Variants in KCNIP1 observed in about 807,000 individuals in gnomAD.
KCNIP1 encodes the protein A-type potassium channel modulatory protein KCNIP1.
A neutral mutation model predicts 33.0 loss-of-function variants in KCNIP1; 18 were observed. The ratio of observed to expected loss-of-function variants is 0.55; its 90% CI spans 0.38 to 0.81. The LOEUF (loss-of-function observed/expected upper bound fraction) is 0.81, where lower values mean the gene tolerates loss of function less well. Among genes scored for constraint, KCNIP1 ranks in the 30% least tolerant of loss-of-function variants. The pLI is 0.00. For synonymous variants in KCNIP1, 93 were observed against 98.3 expected, an observed-to-expected ratio of 0.95 and a Z score of 0.32; for missense variants, 238 against 271.6, an observed-to-expected ratio of 0.88 and a Z score of 0.87.
chr5:170,584,924 G>C (rs28574651), intron 1 of KCNIP1, among the ~76,000 whole-genome samples: 25,520 of 152,008 alleles, frequency 0.17, 2,315 homozygotes, highest in African/African-American at 0.25. Context: ...CTTCATGACA[G>C]TCATCAGTGT....
intron 1 of KCNIP1, among the ~76,000 whole-genome samples, chr5:170,405,941 A>T (rs1017392352): frequency 2.0e-5 from 3 of 152,148 alleles, no homozygotes; most frequent in African/African-American, 7.2e-5. Flanking sequence ...GATTTGTCCC[A>T]CATCCAGATA....
chr5:170,394,241 G>A (rs542389376), intron 1 of KCNIP1, among the ~76,000 whole-genome samples: 1 of 152,144 alleles, frequency 6.6e-6, no homozygotes, highest in Non-Finnish European at 1.5e-5. Context: ...TGGGCCAGGC[G>A]GAAGCTCTGC....
intron 1 of KCNIP1, among the ~76,000 whole-genome samples, chr5:170,638,615 G>T (rs1389610522): frequency 6.6e-6 from 1 of 152,154 alleles, no homozygotes; most frequent in Non-Finnish European, 1.5e-5. Flanking sequence ...TGATAGTGAG[G>T]TTGTCCTCAG....
At chr5:170,407,008 C>T (rs1385209721) in intron 1 of KCNIP1, among the ~76,000 whole-genome samples, 1 of 152,238 alleles carries the variant, frequency 6.6e-6, no homozygotes, top group Non-Finnish European at 1.5e-5. Context: ...TTCTCTTGCT[C>T]GCAAGATACT....
chr5:170,720,257 G>A (rs1443589240), intron 2 of KCNIP1, 64 bp from the exon 3 acceptor site: 2 of 1,182,174 alleles, frequency 1.7e-6, no homozygotes, highest in Non-Finnish European at 2.5e-6. Flanking sequence ...ACCAAGGCTG[G>A]GCCCAGTCTT....
chr5:170,609,406 G>T (rs1759056027), intron 1 of KCNIP1, among the ~76,000 whole-genome samples: 1 of 152,158 alleles, frequency 6.6e-6, no homozygotes, highest in Non-Finnish European at 1.5e-5. Context: ...TACAGATGAG[G>T]AAACTCATGC....
chr5:170,464,469 T>C (rs1756567433), intron 1 of KCNIP1, among the ~76,000 whole-genome samples: 3 of 152,212 alleles, frequency 2.0e-5, no homozygotes, highest in Non-Finnish European at 4.4e-5. Flanking sequence ...AAAGTCCATC[T>C]TGCACTTCCT....
At chr5:170,415,822 A>G (rs1423076233) in intron 1 of KCNIP1, among the ~76,000 whole-genome samples, 1 of 152,154 alleles carries the variant, frequency 6.6e-6, no homozygotes, top group Non-Finnish European at 1.5e-5. Flanking sequence ...AAAGGTGAGG[A>G]CGAGGTGACT....
intron 1 of KCNIP1, among the ~76,000 whole-genome samples, chr5:170,416,812 T>A (rs950871060): frequency 1.3e-5 from 2 of 152,220 alleles, no homozygotes; most frequent in Non-Finnish European, 2.9e-5. Context: ...TTTATTATCA[T>A]CCCCATTTTA....
chr5:170,647,437 T>C (rs1430963955), intron 1 of KCNIP1, among the ~76,000 whole-genome samples: 4 of 151,944 alleles, frequency 2.6e-5, no homozygotes, highest in Admixed American at 2.0e-4. Context: ...AGTAGATCAA[T>C]GGAACAGAAC....
chr5:170,591,490 G>T (rs528940922), intron 1 of KCNIP1, among the ~76,000 whole-genome samples: 2 of 152,258 alleles, frequency 1.3e-5, no homozygotes, highest in South Asian at 2.1e-4. Flanking sequence ...TTTGGAGTGC[G>T]CAGTTCAGTA....
In KCNIP1 at chr5:170,384,626, G is replaced by A. The variant is rs947668216; in HGVS notation, c.88+30662G>A. ...AGTCAGAAGGGGGCTGTCAGCTGCT[G>A]GAACGTGCCCAGAGCACAGGTCTGA... On this transcript the variant is annotated intron_variant, in intron 1 of 7. Transcript: ENST00000377360. Among the ~76,000 whole-genome samples the A allele has an allele frequency of 3.3e-5, 5 of 152,208 alleles. No homozygotes were observed. In the East Asian group the frequency reaches 7.7e-4, roughly 23 times the overall value.
In KCNIP1 at chr5:170,504,148, A is replaced by G; in HGVS notation, c.-425A>G. On this transcript the variant is annotated 5_prime_UTR_variant, in exon 1 of 8. Coordinates refer to ENST00000328939, the MANE Select transcript of KCNIP1 (RefSeq NM_014592.4). The surrounding 1 kb of genome is among the most constrained non-coding windows in gnomAD (Gnocchi z 6.0). The stretch of plus-strand genomic sequence containing the variant: ...GCCCTCCGAGACCCAGCCCGAGCGC[A>G]GGGAGGGGAGCCGAGTGTGCGGCAG... 1.0e-6 allele frequency: 1 copy of G among 996,568 alleles called. No individual in the cohort carries two copies. Among genetic ancestry groups the G allele is most frequent in the Non-Finnish European group, 1.2e-6 (1 of 838,324 alleles). 61.7% of individuals were successfully genotyped at this position (996,568 alleles called of 1,614,324 possible). A position where few individuals can be genotyped will look rare whatever the true frequency, so the allele number is the denominator to read the frequency against.
chr5:170,364,716 C>T (rs914621371), intron 1 of KCNIP1, among the ~76,000 whole-genome samples: 1 of 152,172 alleles, frequency 6.6e-6, no homozygotes, highest in Non-Finnish European at 1.5e-5. Context: ...TCTGCACAGC[C>T]CTTACTGCTC....
chr5:170,678,885 A>C (rs1463803370), intron 1 of KCNIP1: 1 of 152,258 alleles, frequency 6.6e-6, no homozygotes, highest in East Asian at 1.9e-4. Flanking sequence ...AACCTAGAAG[A>C]GATACAGCTA....
intron 1 of KCNIP1, among the ~76,000 whole-genome samples, chr5:170,706,306 G>A (rs1292044593): frequency 6.6e-6 from 1 of 152,206 alleles, no homozygotes; most frequent in Non-Finnish European, 1.5e-5. Flanking sequence ...ACATGTGCCA[G>A]CTATTCTAAA....
intron 1 of KCNIP1, among the ~76,000 whole-genome samples, chr5:170,541,580 G>A (rs975665707): frequency 1.3e-5 from 2 of 152,224 alleles, no homozygotes; most frequent in Non-Finnish European, 2.9e-5. Context: ...AGCCACCCAG[G>A]TGACTGAGTA....
In KCNIP1 at chr5:170,489,620, T is replaced by C. The variant is rs1757168251; in HGVS notation, c.88+135656T>C. Among the ~76,000 whole-genome samples the C allele has an allele frequency of 6.6e-6, 1 of 152,248 alleles. No individual in the cohort carries two copies. Among genetic ancestry groups the C allele is most frequent in the African/African-American group, 2.4e-5 (1 of 41,472 alleles). On this transcript the variant is annotated intron_variant, in intron 1 of 7. Coordinates refer to the KCNIP1 transcript ENST00000377360. This position sits in a 1 kb window ranked among gnomAD's most constrained non-coding sequence, Gnocchi z 4.3. ...CTGTGATGTTATTTGCAGCAGGCAT[T>C]CTGGACCCAGAACTGTGCTTGGTCT... is the stretch of plus-strand genomic sequence containing the variant.
At chr5:170,577,182 A>G (rs542134609) in intron 1 of KCNIP1, among the ~76,000 whole-genome samples, 1 of 152,366 alleles carries the variant, frequency 6.6e-6, no homozygotes, top group Admixed American at 6.5e-5. Context: ...GCTTTGGTGA[A>G]AAATGTAAAC....
Sources: allele counts gnomAD v4.1 joint callset (sites outside exome capture counted in the v4.1 genomes callset), GRCh38; gene constraint gnomAD v4.1.1; non-coding constraint Gnocchi (gnomAD v3.1); transcripts MANE v1.5; gene names NCBI Gene and HGNC (gene_info 2026-07-23, HGNC 2026-07-21).